The following SDK2 variants were observed in gnomAD, a reference collection of about 807,000 sequenced individuals.
The protein encoded by SDK2 is sidekick cell adhesion molecule 2.
A neutral mutation model predicts 253.9 loss-of-function variants in SDK2; 105 were observed. The observed-to-expected ratio is 0.41, with a 90% confidence interval of 0.35 to 0.49. The LOEUF is 0.49. SDK2 is among the 20% of genes least tolerant of loss of function. The pLI, the probability that SDK2 is intolerant of heterozygous loss-of-function variation, is 0.06. For synonymous variants in SDK2, 1,249 were observed against 1,234.9 expected (o/e 1.01, Z -0.24); for missense variants, 2,608 against 3,003.0 (o/e 0.87, Z 3.07).
chr17:73,454,625 T>A (rs996401386), intron 4 of SDK2, among the ~76,000 whole-genome samples: 3 of 152,162 alleles, frequency 2.0e-5, no homozygotes, highest in African/African-American at 7.2e-5. Context: ...AGAGGGGATG[T>A]GTGTGGTGTG....
At chr17:73,405,456 AAAC>A in intron 18 of SDK2, among the ~76,000 whole-genome samples, 1 of 104,304 alleles carries the variant, frequency 9.6e-6, no homozygotes, top group Non-Finnish European at 1.9e-5. Flanking sequence ...AAAAAAAAAC[AAAC>A]AAAAAACCAT....
At chr17:73,414,966 A>C (rs560307235) in intron 17 of SDK2, among the ~76,000 whole-genome samples, 17 of 152,200 alleles carry the variant, frequency 1.1e-4, no homozygotes, top group African/African-American at 3.9e-4. Flanking sequence ...TGCCTGACCC[A>C]CCTCACAGGG....
Position 73,423,507 on chromosome 17 carries a change from C to T in SDK2, c.1776G>A (p.Ala592=), listed in dbSNP as rs190790569. Residue 592 remains alanine, a synonymous_variant, in exon 14 of 45, where the codon GCG becomes GCA. Coordinates refer to ENST00000392650, the MANE Select transcript of SDK2 (RefSeq NM_001144952.2). Reference sequence around the variant, plus strand: ...TGAGAGTGGCCACTGGGTGCTCGGGCGCGTGGGGCAGTTGCCTGGAAAAGA... The same window carrying T: ...TGAGAGTGGCCACTGGGTGCTCGGGTGCGTGGGGCAGTTGCCTGGAAAAGA... ...AHLRVRQLPH[A]PEHPVATLST... 1,469 of 1,570,578 alleles carry T rather than the reference C, an allele frequency of 9.4e-4. 45 individuals carry two copies. In the Admixed American group the frequency reaches 0.024, roughly 26 times the overall value.
chr17:73,433,564 T>C (rs1431162129), intron 10 of SDK2, among the ~76,000 whole-genome samples, 168 bp downstream of exon 10: 3 of 152,120 alleles, frequency 2.0e-5, no homozygotes, highest in Non-Finnish European at 2.9e-5. Flanking sequence ...GCTGGGATTA[T>C]AGGCATGAGC....
At chr17:73,551,438 C>T (rs1252199922) in intron 1 of SDK2, among the ~76,000 whole-genome samples, 1 of 152,236 alleles carries the variant, frequency 6.6e-6, no homozygotes, top group Non-Finnish European at 1.5e-5. Flanking sequence ...AGGAGCCTCG[C>T]AGCTCCTGCC....
At chr17:73,445,471 AG>A (rs1371934613) in intron 5 of SDK2, among the ~76,000 whole-genome samples, 4 of 152,150 alleles carry the variant, frequency 2.6e-5, no homozygotes, top group African/African-American at 7.2e-5. Flanking sequence ...GGTTATCCTG[AG>A]CAGGGGGCAA....
chr17:73,390,351 C>T lies in SDK2; in HGVS notation c.4128G>A (p.Thr1376=), dbSNP rs370430999. Residue 1376 remains threonine, a synonymous_variant, in exon 29 of 45, where the codon ACG becomes ACA. Coordinates refer to ENST00000392650, the MANE Select transcript of SDK2 (RefSeq NM_001144952.2). ...CTCCCCAGCCCTTGCGGGTCTGGGC[C>T]GTGATGCGGAACAGGTAGACAGACT... ...KPESVYLFRI[T]AQTRKGWGEA... 14 of 1,610,846 alleles carry T rather than the reference C, an allele frequency of 8.7e-6. No individual in the cohort carries two copies. The highest frequency in any genetic ancestry group is 4.0e-5 in the African/African-American group (3 of 74,890).
intron 2 of SDK2, among the ~76,000 whole-genome samples, chr17:73,501,840 C>T (rs2063893420): frequency 1.3e-5 from 2 of 152,212 alleles, no homozygotes; most frequent in Admixed American, 6.5e-5. Flanking sequence ...GTATTCCTTA[C>T]AATAATTCTC....
intron 40 of SDK2, among the ~76,000 whole-genome samples, chr17:73,356,186 G>T (rs79216352): frequency 0.012 from 1,786 of 152,302 alleles, 36 homozygotes; most frequent in African/African-American, 0.041. Context: ...CCTGCCCAAC[G>T]CAGTCAGGTG....
rs1224596762 is a variant in SDK2 at position 73,438,046 on chromosome 17, G to A, written c.834C>T (p.Asp278=). The change falls in exon 7 of 45, where the codon GAC becomes GAT. Residue 278 remains aspartate, a synonymous_variant. Coordinates refer to ENST00000392650, the MANE Select transcript of SDK2 (RefSeq NM_001144952.2). ...CAGCCTCACACTCGTAGTAGCCGGCGTCACTGCCGGTGGGGTTGGGGATGG... is the reference window on the plus strand; with the variant it reads ...CAGCCTCACACTCGTAGTAGCCGGCATCACTGCCGGTGGGGTTGGGGATGG... ...RLTIPNPTGS[D]AGYYECEAVL... The A allele has an allele frequency of 1.1e-5, 17 of 1,551,576 alleles. No individual in the cohort carries two copies. The highest frequency in any genetic ancestry group is 9.8e-5 in the Admixed American group (5 of 50,988).
intron 18 of SDK2, among the ~76,000 whole-genome samples, chr17:73,404,442 G>A (rs1249528027): frequency 6.6e-6 from 1 of 152,130 alleles, no homozygotes; most frequent in African/African-American, 2.4e-5. Context: ...ACACACAACA[G>A]GGCTTCCACC....
chr17:73,423,885 C>G, intron 13 of SDK2, 31 bp downstream of exon 13: 1 of 1,518,764 alleles, frequency 6.6e-7, no homozygotes, highest in Non-Finnish European at 8.9e-7. Flanking sequence ...CCTGGACCGC[C>G]TCTGCCGGGG....
At chr17:73,485,405 G>A (rs542131367) in intron 2 of SDK2, among the ~76,000 whole-genome samples, 60 of 152,318 alleles carry the variant, frequency 3.9e-4, no homozygotes, top group South Asian at 1.0e-3. Context: ...GACATCGACT[G>A]TGGTGCTGGC....
At chr17:73,363,429 G>A (rs2062657930) in intron 38 of SDK2, among the ~76,000 whole-genome samples, 1 of 152,178 alleles carries the variant, frequency 6.6e-6, no homozygotes. Context: ...CTGAAAGAAT[G>A]AAATGACCCT....
chr17:73,558,615 A>T (rs1056166592), intron 1 of SDK2, among the ~76,000 whole-genome samples: 4 of 152,216 alleles, frequency 2.6e-5, no homozygotes, highest in Admixed American at 6.5e-5. Flanking sequence ...GCAGTGGACT[A>T]TGGAGGACCC....
chr17:73,475,308 C>T (rs542332265), intron 2 of SDK2, among the ~76,000 whole-genome samples: 93 of 152,282 alleles, frequency 6.1e-4, no homozygotes, highest in African/African-American at 2.0e-3. Context: ...CCTGCCACCA[C>T]GCCCAGCTAA....
At chr17:73,533,665 G>T in intron 1 of SDK2, among the ~76,000 whole-genome samples, 1 of 137,464 alleles carries the variant, frequency 7.3e-6, no homozygotes, top group Non-Finnish European at 1.6e-5. Flanking sequence ...CCCAGAAAGG[G>T]CCCTCCCCCA....
At chr17:73,446,773 G>T (rs1433957798) in intron 5 of SDK2, among the ~76,000 whole-genome samples, 2 of 152,166 alleles carry the variant, frequency 1.3e-5, no homozygotes, top group African/African-American at 4.8e-5. Context: ...AGCTGCTGCT[G>T]AGGAGGAAGC....
At chr17:73,405,432 T>C (rs903086442) in intron 18 of SDK2, among the ~76,000 whole-genome samples, 1 of 71,318 alleles carries the variant, frequency 1.4e-5, no homozygotes, top group African/African-American at 5.6e-5. Flanking sequence ...AGAACAAAAC[T>C]CCTTCTCAAA....
Sources: gnomAD v4.1 joint callset for allele counts (sites outside exome capture counted in the v4.1 genomes callset) on GRCh38, gnomAD v4.1.1 for gene constraint, MANE v1.5 for transcripts, NCBI Gene and HGNC (gene_info 2026-07-23, HGNC 2026-07-21) for gene names.